GSE1: variants seen among roughly 807,000 people sequenced by gnomAD.
The protein encoded by GSE1 is Gse1 coiled-coil protein.
GSE1 carries 32 observed loss-of-function variants against 112.6 expected under a neutral mutation model. The observed-to-expected ratio is 0.28, with a 90% CI of 0.21 to 0.38. The LOEUF (loss-of-function observed/expected upper bound fraction) is 0.38. Among genes scored for constraint, GSE1 ranks in the 10% least tolerant of loss-of-function variants. The probability of loss-of-function intolerance (pLI) is 1.00; values close to 1 mark genes in which losing one functional copy is unlikely to be tolerated. For synonymous variants in GSE1, 1,115 were observed against 735.6 expected, an observed-to-expected ratio of 1.52 and a Z score of -8.35; for missense variants, 2,348 against 1,699.2, an observed-to-expected ratio of 1.38 and a Z score of -6.71.
chr16:85,672,190 T>TG (rs1430194159), intron 15 of GSE1: 1 of 561,468 alleles, frequency 1.8e-6, no homozygotes, highest in Admixed American at 2.4e-5. Flanking sequence ...AGATGGGGTT[T>TG]CCCCATGTTG....
At chr16:85,641,495 C>G (rs1433112305) in intron 2 of GSE1, among the ~76,000 whole-genome samples, 46 of 151,266 alleles carry the variant, frequency 3.0e-4, no homozygotes, top group Admixed American at 3.0e-3. Context: ...CGGGAGAGCC[C>G]TGCCCTGGGA....
chr16:85,482,687 A>G (rs1331146140), intron 2 of GSE1, among the ~76,000 whole-genome samples: 1 of 152,230 alleles, frequency 6.6e-6, no homozygotes, highest in Admixed American at 6.5e-5. Context: ...GTTCCAAAAT[A>G]CAAAGCTCAG....
At chr16:85,629,253 C>A (rs1371947381) in intron 1 of GSE1, among the ~76,000 whole-genome samples, 3 of 152,254 alleles carry the variant, frequency 2.0e-5, no homozygotes, top group Admixed American at 2.0e-4. Context: ...TTTATAGCAA[C>A]ACAGACAGCC....
At chr16:85,360,997 C>T (rs755728540) in intron 2 of GSE1, among the ~76,000 whole-genome samples, 1 of 151,956 alleles carries the variant, frequency 6.6e-6, no homozygotes, top group Non-Finnish European at 1.5e-5. Context: ...CACACAGAAG[C>T]CAAACATCCT....
chr16:85,235,973 C>CGGGCCTGGGCCT (rs561194948), intron 1 of GSE1, among the ~76,000 whole-genome samples: 30 of 151,434 alleles, frequency 2.0e-4, no homozygotes, highest in African/African-American at 4.4e-4. Context: ...CCTCCGGCGC[C>CGGGCCTGGGCCT]GGGCCTGGGC....
chr16:85,302,863 G>A (rs571912213), intron 1 of GSE1, among the ~76,000 whole-genome samples: 1 of 152,336 alleles, frequency 6.6e-6, no homozygotes, highest in East Asian at 1.9e-4. Context: ...GTCTTCAGTG[G>A]CGTGATGCAG....
intron 1 of GSE1, among the ~76,000 whole-genome samples, chr16:85,297,141 G>C (rs1054374284): frequency 6.6e-6 from 1 of 152,248 alleles, no homozygotes; most frequent in Non-Finnish European, 1.5e-5. Flanking sequence ...TACCCGGCCA[G>C]GCTGGCACCC....
At chr16:85,275,266 G>C (rs781114755) in intron 1 of GSE1, among the ~76,000 whole-genome samples, 33 of 152,202 alleles carry the variant, frequency 2.2e-4, no homozygotes, top group Non-Finnish European at 4.0e-4. Context: ...GCCAGCCAGG[G>C]CTCCAATAGC....
At chr16:85,507,296 T>C (rs929712490) in intron 2 of GSE1, among the ~76,000 whole-genome samples, 1 of 152,204 alleles carries the variant, frequency 6.6e-6, no homozygotes, top group Non-Finnish European at 1.5e-5. Context: ...TTACGTGGTA[T>C]CCGGTTTGGA....
At chr16:85,606,612 G>A (rs1422592493), upstream of GSE1, among the ~76,000 whole-genome samples, 1 of 152,240 alleles carries the variant, frequency 6.6e-6, no homozygotes, top group Non-Finnish European at 1.5e-5. Flanking sequence ...ACAGGTTGTG[G>A]ACAGCAGTTG....
At chr16:85,613,133 A>T (rs2048103728), upstream of GSE1, 1 of 1,238,864 alleles carries the variant, frequency 8.1e-7, no homozygotes, top group Non-Finnish European at 1.1e-6. Flanking sequence ...TGCGGCTGAA[A>T]CCCGACACCT....
At chr16:85,656,972 C>T (rs2052013453) in intron 7 of GSE1, among the ~76,000 whole-genome samples, 2 of 152,230 alleles carry the variant, frequency 1.3e-5, no homozygotes, top group African/African-American at 4.8e-5. Context: ...CCAGTAATAA[C>T]AACCAGCTTT....
intron 1 of GSE1, among the ~76,000 whole-genome samples, chr16:85,193,487 T>C (rs2074867177): frequency 6.6e-6 from 1 of 151,902 alleles, no homozygotes; most frequent in Non-Finnish European, 1.5e-5. Flanking sequence ...TTTGAGTTGG[T>C]CTCACCCTGT....
intron 2 of GSE1, among the ~76,000 whole-genome samples, chr16:85,360,413 C>G (rs1393517027): frequency 6.6e-6 from 1 of 152,188 alleles, no homozygotes; most frequent in East Asian, 1.9e-4. Flanking sequence ...CCTGCGTCTG[C>G]CAGCTGCTCC....
At chr16:85,600,090 A>C (rs1412811661) in intron 1 of GSE1, among the ~76,000 whole-genome samples, 2 of 152,126 alleles carry the variant, frequency 1.3e-5, no homozygotes, top group Non-Finnish European at 2.9e-5. Flanking sequence ...TTCTCTATGC[A>C]TTGCAGCCAG....
At chr16:85,629,405 G>T (rs2049356754) in intron 1 of GSE1, among the ~76,000 whole-genome samples, 1 of 152,224 alleles carries the variant, frequency 6.6e-6, no homozygotes, top group Admixed American at 6.5e-5. Flanking sequence ...GAGGTGAAAT[G>T]ACCATACGGT....
intron 2 of GSE1, among the ~76,000 whole-genome samples, chr16:85,366,622 C>T (rs1305076625): frequency 2.0e-5 from 3 of 152,216 alleles, no homozygotes; most frequent in African/African-American, 4.8e-5. Context: ...GAGACCCTCC[C>T]GCCCCTCTGT....
intron 1 of GSE1, among the ~76,000 whole-genome samples, chr16:85,253,269 C>T (rs984223085): frequency 5.3e-5 from 8 of 152,168 alleles, no homozygotes; most frequent in Admixed American, 2.0e-4. Flanking sequence ...CTGCCCCAGT[C>T]CTGCCCTGGA....
chr16:85,611,244 C>G (rs1032526707), upstream of GSE1, among the ~76,000 whole-genome samples: 2 of 152,054 alleles, frequency 1.3e-5, no homozygotes, highest in African/African-American at 4.8e-5. Context: ...GTCGTCCATT[C>G]CTTCCTAACA....
Sources: allele counts gnomAD v4.1 joint callset (sites outside exome capture counted in the v4.1 genomes callset), GRCh38; gene constraint gnomAD v4.1.1; transcripts MANE v1.5; gene names NCBI Gene and HGNC (gene_info 2026-07-23, HGNC 2026-07-21).